Variants in SLC2A13 observed in about 807,000 individuals in gnomAD.
SLC2A13 encodes the protein proton myo-inositol cotransporter.
SLC2A13 carries 32 observed loss-of-function variants against 64.4 expected under a neutral mutation model. The ratio of observed to expected loss-of-function variants is 0.50; its 90% CI spans 0.37 to 0.67. The LOEUF is 0.67. SLC2A13 is among the 30% of genes least tolerant of loss of function. The pLI, the probability that SLC2A13 is intolerant of heterozygous loss-of-function variation, is 0.00. For synonymous variants in SLC2A13, 338 were observed against 327.1 expected, an observed-to-expected ratio of 1.03 and a Z score of -0.36; for missense variants, 743 against 829.2, an observed-to-expected ratio of 0.90 and a Z score of 1.28.
intron 7 of SLC2A13, among the ~76,000 whole-genome samples, chr12:39,768,772 T>C (rs1940455728): frequency 6.6e-6 from 1 of 151,978 alleles, no homozygotes; most frequent in Non-Finnish European, 1.5e-5. Flanking sequence ...AAGTCTGAAA[T>C]AATGTGAGAA....
chr12:39,773,527 G>A (rs1436414529), intron 7 of SLC2A13, among the ~76,000 whole-genome samples: 1 of 152,130 alleles, frequency 6.6e-6, no homozygotes, highest in East Asian at 1.9e-4. Flanking sequence ...CTTTTAAAAT[G>A]TTACCTCTCC....
intron 3 of SLC2A13, among the ~76,000 whole-genome samples, chr12:39,974,790 G>C (rs191431665): frequency 1.1e-3 from 167 of 152,196 alleles, no homozygotes; most frequent in Non-Finnish European, 1.2e-3. Flanking sequence ...TGTGAATTTT[G>C]CAATATAATT....
At chr12:40,071,735 TATTCCTTTGTC>T (rs1221584614) in intron 1 of SLC2A13, among the ~76,000 whole-genome samples, 2 of 152,198 alleles carry the variant, frequency 1.3e-5, no homozygotes, top group Non-Finnish European at 2.9e-5. Context: ...TTATTCATAG[TATTCCTTTGTC>T]ATTTTTAATG....
At chr12:39,982,412 G>A (rs1455338075) in intron 3 of SLC2A13, among the ~76,000 whole-genome samples, 1 of 148,710 alleles carries the variant, frequency 6.7e-6, no homozygotes, top group Non-Finnish European at 1.5e-5. Flanking sequence ...CGACATGATT[G>A]TTTACCTAGA....
At chr12:39,989,030 C>T (rs190554805) in intron 3 of SLC2A13, among the ~76,000 whole-genome samples, 78 of 152,304 alleles carry the variant, frequency 5.1e-4, no homozygotes, top group Non-Finnish European at 6.6e-4. Context: ...GTACTCTGAG[C>T]GCAGGAGCCA....
At chr12:39,992,986 G>C (rs1398183124) in intron 3 of SLC2A13, among the ~76,000 whole-genome samples, 1 of 152,040 alleles carries the variant, frequency 6.6e-6, no homozygotes, top group Non-Finnish European at 1.5e-5. Context: ...ATTTAAAATT[G>C]ACAGATATGA....
At chr12:39,825,186 AGT>A (rs1260187974) in intron 7 of SLC2A13, among the ~76,000 whole-genome samples, 1 of 152,204 alleles carries the variant, frequency 6.6e-6, no homozygotes, top group African/African-American at 2.4e-5. Context: ...GCATTAAGAA[AGT>A]GTCCCTCATT....
At chr12:40,051,068 TACAA>T (rs941896768) in intron 1 of SLC2A13, among the ~76,000 whole-genome samples, 7 of 152,008 alleles carry the variant, frequency 4.6e-5, no homozygotes, top group South Asian at 2.1e-4. Flanking sequence ...TAAGGATGAG[TACAA>T]ACAAATAAAA....
At chr12:39,846,393 C>T (rs2135884891) in intron 6 of SLC2A13, among the ~76,000 whole-genome samples, 1 of 152,242 alleles carries the variant, frequency 6.6e-6, no homozygotes. Flanking sequence ...AAAGATCTTT[C>T]TCAGTTAAAG....
chr12:39,968,401 A>T (rs1003070052), intron 3 of SLC2A13, among the ~76,000 whole-genome samples: 3 of 152,142 alleles, frequency 2.0e-5, no homozygotes, highest in Non-Finnish European at 4.4e-5. Flanking sequence ...GATTATGGGA[A>T]CTACAATTCA....
At chr12:39,792,277 A>G (rs992181431) in intron 7 of SLC2A13, among the ~76,000 whole-genome samples, 2 of 147,868 alleles carry the variant, frequency 1.4e-5, no homozygotes, top group Non-Finnish European at 3.0e-5. Flanking sequence ...AAACCCTAGA[A>G]GAAAACCTAG....
intron 7 of SLC2A13, among the ~76,000 whole-genome samples, chr12:39,828,887 T>C (rs1592178517): frequency 1.3e-5 from 2 of 152,274 alleles, no homozygotes; most frequent in South Asian, 4.1e-4. Flanking sequence ...ACTAATTGTA[T>C]TTCTTTTACA....
intron 4 of SLC2A13, among the ~76,000 whole-genome samples, chr12:39,880,429 A>G (rs1016241018): frequency 3.3e-5 from 5 of 152,230 alleles, no homozygotes; most frequent in Admixed American, 6.5e-5. Flanking sequence ...TATAACATGC[A>G]AGACATAAAG....
chr12:39,816,593 GAA>G (rs1223520559), intron 7 of SLC2A13, among the ~76,000 whole-genome samples: 1 of 130,106 alleles, frequency 7.7e-6, no homozygotes. Context: ...TAAAAAAAAA[GAA>G]AGAAAAATCA....
chr12:39,796,052 C>A (rs1262931926), intron 7 of SLC2A13, among the ~76,000 whole-genome samples: 2 of 152,142 alleles, frequency 1.3e-5, no homozygotes, highest in African/African-American at 2.4e-5. Context: ...TCTTCTCCCC[C>A]CAGCCTCTGG....
chr12:39,767,509 C>T (rs1940403699), intron 7 of SLC2A13, among the ~76,000 whole-genome samples: 2 of 152,014 alleles, frequency 1.3e-5, no homozygotes, highest in African/African-American at 4.8e-5. Flanking sequence ...GCTGCATTAT[C>T]TCCTAACAAG....
intron 4 of SLC2A13, among the ~76,000 whole-genome samples, chr12:39,915,108 C>T (rs1945501753): frequency 6.6e-6 from 1 of 151,814 alleles, no homozygotes; most frequent in Non-Finnish European, 1.5e-5. Flanking sequence ...GGATAAAATG[C>T]AGCAGTTAAA....
Position 39,759,558 on chromosome 12 carries a change from G to C in SLC2A13, c.*468C>G, listed in dbSNP as rs751387677. The C allele has an allele frequency of 6.5e-6, 1 of 153,564 alleles. No homozygotes were observed. Among genetic ancestry groups the C allele is most frequent in the African/African-American group, 2.4e-5 (1 of 41,396 alleles). The allele number at this position is 153,564 out of a possible 1,614,324, so 9.5% of individuals were successfully genotyped here. A position where few individuals can be genotyped will look rare whatever the true frequency, so the allele number is the denominator to read the frequency against. On this transcript the variant is annotated 3_prime_UTR_variant, in exon 10 of 10. Coordinates refer to ENST00000280871, the MANE Select transcript of SLC2A13 (RefSeq NM_052885.4). ...GTTTGTAACAGCTGATCAGAGATAA[G>C]CCACTACTCTGTAGGAAAACTGAGG...
intron 4 of SLC2A13, among the ~76,000 whole-genome samples, chr12:39,920,341 G>A (rs923129484): frequency 6.6e-6 from 1 of 152,056 alleles, no homozygotes. Context: ...CAACGTAGAT[G>A]CCCAACCAAA....
Sources: allele counts gnomAD v4.1 joint callset (sites outside exome capture counted in the v4.1 genomes callset), GRCh38; gene constraint gnomAD v4.1.1; transcripts MANE v1.5; gene names NCBI Gene and HGNC (gene_info 2026-07-23, HGNC 2026-07-21).